SEMA5A: variants seen among roughly 807,000 people sequenced by gnomAD.
The protein encoded by SEMA5A is semaphorin 5A, also known as semaphorin-5A.
In SEMA5A, 55 loss-of-function variants were observed where a neutral mutation model predicts 135.5. The observed-to-expected ratio is 0.41, with a 90% CI of 0.33 to 0.51. SEMA5A has a LOEUF of 0.51. Ranked by LOEUF, SEMA5A falls within the 20% of genes least tolerant of loss-of-function variation. The pLI is 0.37. For missense variants in SEMA5A, 1,290 were observed against 1,419.9 expected, an observed-to-expected ratio of 0.91 and a Z score of 1.47; for synonymous variants, 580 against 546.5, an observed-to-expected ratio of 1.06 and a Z score of -0.85.
At chr5:9,137,062 C>A in intron 12 of SEMA5A, among the ~76,000 whole-genome samples, 1 of 152,142 alleles carries the variant, frequency 6.6e-6, no homozygotes, top group South Asian at 2.1e-4. Context: ...CATGCAGACG[C>A]TTAAACGATT....
intron 6 of SEMA5A, among the ~76,000 whole-genome samples, chr5:9,236,917 TA>T (rs908723772): frequency 3.6e-4 from 55 of 151,848 alleles, no homozygotes; most frequent in African/African-American, 1.3e-3. Context: ...TGAAATTGGG[TA>T]AAAAAAAGGT....
At chr5:9,298,492 A>G (rs1751449558) in intron 5 of SEMA5A, among the ~76,000 whole-genome samples, 1 of 152,232 alleles carries the variant, frequency 6.6e-6, no homozygotes, top group African/African-American at 2.4e-5. Flanking sequence ...AGCAGGTCTA[A>G]GAAACTAATA....
chr5:9,296,456 A>G (rs1478478289), intron 5 of SEMA5A, among the ~76,000 whole-genome samples: 1 of 152,224 alleles, frequency 6.6e-6, no homozygotes, highest in African/African-American at 2.4e-5. Context: ...GACATAATTT[A>G]TAACTATAAA....
chr5:9,525,792 C>T (rs141542988), intron 1 of SEMA5A, among the ~76,000 whole-genome samples: 102 of 152,278 alleles, frequency 6.7e-4, no homozygotes, highest in Admixed American at 4.2e-3. Flanking sequence ...GAAATTGTAT[C>T]TTTTTTTCTT....
At chr5:9,487,292 A>G (rs920174218) in intron 1 of SEMA5A, among the ~76,000 whole-genome samples, 3 of 152,188 alleles carry the variant, frequency 2.0e-5, no homozygotes, top group African/African-American at 7.2e-5. Flanking sequence ...GTGTTAGCTC[A>G]CTTAATCTTC....
intron 1 of SEMA5A, among the ~76,000 whole-genome samples, chr5:9,501,417 C>T (rs1735593184): frequency 6.6e-6 from 1 of 152,178 alleles, no homozygotes; most frequent in Non-Finnish European, 1.5e-5. Context: ...GCATGAAATA[C>T]TGTATTAAGT....
chr5:9,045,284 CT>C (rs1736188677), intron 21 of SEMA5A, among the ~76,000 whole-genome samples: 1 of 152,188 alleles, frequency 6.6e-6, no homozygotes, highest in Admixed American at 6.5e-5. Context: ...TGGGTTGAGC[CT>C]CCCTGTGCAG....
intron 20 of SEMA5A, among the ~76,000 whole-genome samples, chr5:9,050,766 A>AT (rs1736528532): frequency 6.6e-6 from 1 of 152,192 alleles, no homozygotes; most frequent in South Asian, 2.1e-4. Context: ...TGCCGGGGGG[A>AT]TCCCCCCACT....
rs1758289611 is a variant in SEMA5A at position 9,442,840 on chromosome 5, G to A, written c.-174-4988C>T. 3.9e-5 allele frequency among the ~76,000 whole-genome samples: 6 copies of A among 152,292 alleles called. No individual in the cohort carries two copies. The South Asian group carries it at 1.2e-3, about 32-fold the overall frequency. ...AAACATCAGTCTAAAAACTCAGCAT[G>A]TACTTACTGAGGAATGAATGTTCTT... On this transcript the variant is annotated intron_variant, in intron 1 of 22. Transcript: ENST00000382496.
intron 11 of SEMA5A, among the ~76,000 whole-genome samples, chr5:9,163,498 C>T (rs999910947): frequency 7.2e-5 from 11 of 152,042 alleles, no homozygotes; most frequent in African/African-American, 1.2e-4. Flanking sequence ...AACAAGATTC[C>T]GTTTTGCATC....
At chr5:9,286,847 A>G (rs1384955717) in intron 5 of SEMA5A, among the ~76,000 whole-genome samples, 3 of 152,274 alleles carry the variant, frequency 2.0e-5, no homozygotes, top group Non-Finnish European at 4.4e-5. Flanking sequence ...ACACTGAGTG[A>G]TAAGATAGCT....
chr5:9,063,105 C>A lies in SEMA5A; in HGVS notation c.2300G>T (p.Gly767Val). Reference protein sequence around the residue: ...SDGTSGCSTDGLSGDFLRAGR... With the variant: ...SDGTSGCSTDVLSGDFLRAGR... ...AGCACGCAGGAAATCCCCAGAAAGC[C>A]CTGCCAAGGAAACAGGTGAAGTGTG... Residue 767 changes from glycine (G) to valine (V), a missense_variant and splice_region_variant, in exon 18 of 23, where the codon GGG (glycine) becomes GTG (valine). Coordinates refer to ENST00000382496, the MANE Select transcript of SEMA5A (RefSeq NM_003966.3). 1 of 1,610,462 alleles carries A rather than the reference C, an allele frequency of 6.2e-7. No homozygotes were observed. Among genetic ancestry groups the A allele is most frequent in the African/African-American group, 1.3e-5 (1 of 74,950 alleles).
At chr5:9,543,945 ATAACT>A (rs1278981181) in intron 1 of SEMA5A, among the ~76,000 whole-genome samples, 1 of 152,336 alleles carries the variant, frequency 6.6e-6, no homozygotes, top group Non-Finnish European at 1.5e-5. Context: ...TCAGTTATAC[ATAACT>A]TAATGGTATT....
chr5:9,130,387 C>T (rs565478584), intron 13 of SEMA5A, among the ~76,000 whole-genome samples: 135 of 152,264 alleles, frequency 8.9e-4, no homozygotes, highest in Non-Finnish European at 1.6e-3. Flanking sequence ...ATATGCTCCT[C>T]GGGAAAGCTT....
chr5:9,088,659 T>TATATATACACACACAC, intron 16 of SEMA5A, among the ~76,000 whole-genome samples: 2 of 112,846 alleles, frequency 1.8e-5, no homozygotes, highest in African/African-American at 8.5e-5. Flanking sequence ...TATATATATA[T>TATATATACACACACAC]ACACACACAC....
At chr5:9,429,379 T>A (rs1422608100) in intron 2 of SEMA5A, among the ~76,000 whole-genome samples, 1 of 152,198 alleles carries the variant, frequency 6.6e-6, no homozygotes, top group East Asian at 1.9e-4. Flanking sequence ...TGGCATCTTA[T>A]TACATCTTAG....
At chr5:9,412,349 C>G (rs1450472275) in intron 2 of SEMA5A, among the ~76,000 whole-genome samples, 1 of 151,880 alleles carries the variant, frequency 6.6e-6, no homozygotes, top group Non-Finnish European at 1.5e-5. Flanking sequence ...ATTAGATTAT[C>G]CTATACCCAA....
chr5:9,524,451 T>C (rs1458196934), intron 1 of SEMA5A, among the ~76,000 whole-genome samples: 1 of 152,114 alleles, frequency 6.6e-6, no homozygotes, highest in Non-Finnish European at 1.5e-5. Context: ...CACTCCACAC[T>C]GGAATGATGC....
chr5:9,270,931 T>C (rs1267655485), intron 5 of SEMA5A, among the ~76,000 whole-genome samples: 2 of 152,162 alleles, frequency 1.3e-5, no homozygotes, highest in Non-Finnish European at 2.9e-5. Flanking sequence ...AAATAGGTTT[T>C]ATATTTTCAC....
Sources: gnomAD v4.1 joint callset for allele counts (sites outside exome capture counted in the v4.1 genomes callset) on GRCh38, gnomAD v4.1.1 for gene constraint, MANE v1.5 for transcripts, NCBI Gene and HGNC (gene_info 2026-07-23, HGNC 2026-07-21) for gene names.